ABHD12: variants seen among roughly 807,000 people sequenced by gnomAD.
ABHD12 encodes lysophosphatidylserine lipase ABHD12.
ABHD12 carries 43 observed loss-of-function variants against 58.3 expected under a neutral mutation model. The ratio of observed to expected loss-of-function variants is 0.74; its 90% CI spans 0.58 to 0.95. ABHD12 has a LOEUF of 0.95. Ranked by LOEUF, ABHD12 falls within the 40% of genes least tolerant of loss-of-function variation. ABHD12 has a pLI of 0.00. For missense variants in ABHD12, 539 were observed against 537.2 expected (o/e 1.00, Z -0.03); for synonymous variants, 219 against 211.2 (o/e 1.04, Z -0.32).
At chr20:25,301,232 C>T (rs6037082) in intron 12 of ABHD12, among the ~76,000 whole-genome samples, 3 of 152,230 alleles carry the variant, frequency 2.0e-5, no homozygotes, top group Non-Finnish European at 2.9e-5. Context: ...CCACTGCCCC[C>T]TTAGCAACCC....
At chr20:25,389,596 G>A (rs1195930115) in intron 1 of ABHD12, among the ~76,000 whole-genome samples, 2 of 152,178 alleles carry the variant, frequency 1.3e-5, no homozygotes, top group African/African-American at 4.8e-5. Flanking sequence ...ACCAGCAGAT[G>A]GGAGGAGAAA....
chr20:25,355,440 G>T (rs528016763), intron 1 of ABHD12, among the ~76,000 whole-genome samples: 1 of 151,550 alleles, frequency 6.6e-6, no homozygotes, highest in East Asian at 1.9e-4. Flanking sequence ...CCCCCTTTTT[G>T]TTTTTACCAT....
At chr20:25,333,798 G>A (rs2089317687) in intron 2 of ABHD12, among the ~76,000 whole-genome samples, 1 of 151,574 alleles carries the variant, frequency 6.6e-6, no homozygotes, top group African/African-American at 2.4e-5. Context: ...GGTATTGATG[G>A]GACACATCTC....
intron 1 of ABHD12, among the ~76,000 whole-genome samples, chr20:25,341,975 C>T (rs938991530): frequency 6.6e-6 from 1 of 152,038 alleles, no homozygotes; most frequent in African/African-American, 2.4e-5. Flanking sequence ...CAGATCTCTG[C>T]CTTACTGTAA....
chr20:25,374,396 T>C (rs2089936840), intron 1 of ABHD12, among the ~76,000 whole-genome samples: 1 of 152,222 alleles, frequency 6.6e-6, no homozygotes, highest in Non-Finnish European at 1.5e-5. Context: ...CCTCACACAT[T>C]ATGGTTTTCA....
chr20:25,334,768 C>T (rs2089335249), intron 2 of ABHD12, among the ~76,000 whole-genome samples: 1 of 149,104 alleles, frequency 6.7e-6, no homozygotes, highest in Non-Finnish European at 1.5e-5. Flanking sequence ...AAAGCTGAAA[C>T]TGGATCCCTT....
At chr20:25,297,644 C>T (rs1319741218), downstream of ABHD12, 1 of 152,348 alleles carries the variant, frequency 6.6e-6, no homozygotes, top group Non-Finnish European at 1.5e-5. Context: ...ACCTGCCTCC[C>T]ATTGCCCAAG....
At chr20:25,390,358 C>T (rs1275216548) in intron 1 of ABHD12, among the ~76,000 whole-genome samples, 155 bp downstream of exon 1, 2 of 151,970 alleles carry the variant, frequency 1.3e-5, no homozygotes, top group Non-Finnish European at 2.9e-5. Flanking sequence ...TGCCGCGGGC[C>T]AAATGCGGGA....
chr20:25,344,086 G>A (rs2089488452), intron 1 of ABHD12, among the ~76,000 whole-genome samples: 1 of 152,046 alleles, frequency 6.6e-6, no homozygotes, highest in Non-Finnish European at 1.5e-5. Flanking sequence ...TGATTAAAAA[G>A]CCTCAGCACA....
intron 1 of ABHD12, among the ~76,000 whole-genome samples, chr20:25,352,178 G>T (rs975501207): frequency 6.6e-6 from 1 of 151,516 alleles, no homozygotes; most frequent in African/African-American, 2.4e-5. Context: ...TTTTAGTAGA[G>T]ATGAGGTTTC....
intron 9 of ABHD12, 98 bp from the exon 10 acceptor site, chr20:25,307,013 G>A (rs761966659): frequency 1.4e-5 from 13 of 899,920 alleles, no homozygotes; most frequent in Middle Eastern, 2.1e-4. Context: ...TCTATAAGGC[G>A]TTGCCCATAA....
intron 1 of ABHD12, chr20:25,368,617 A>C: frequency 5.1e-6 from 7 of 1,372,542 alleles, no homozygotes; most frequent in African/African-American, 1.4e-5. Context: ...GTGAAAGCGG[A>C]AACCCTTAAA....
chr20:25,306,948 G>T, intron 9 of ABHD12, 33 bp from the exon 10 acceptor site: 1 of 1,507,200 alleles, frequency 6.6e-7, no homozygotes, highest in Non-Finnish European at 9.2e-7. Context: ...TTTCAGAAGC[G>T]TTGGTTAAGA....
At chr20:25,370,648 G>A (rs2146107223) in intron 1 of ABHD12, among the ~76,000 whole-genome samples, 1 of 152,214 alleles carries the variant, frequency 6.6e-6, no homozygotes, top group East Asian at 1.9e-4. Flanking sequence ...CTGCCACTTG[G>A]ATGGGTGTGC....
In ABHD12 at chr20:25,300,725, C is replaced by T. The variant is rs994804900; in HGVS notation, c.*120G>A. ...TGGGATCTGAGGTGCTCTCCAGGTG[C>T]GAGCTGGGCTCCTGAGCATTGCAGG... On this transcript the variant is annotated 3_prime_UTR_variant, in exon 13 of 13. Transcript: ENST00000339157. 6.3e-6 allele frequency: 10 copies of T among 1,575,166 alleles called. No homozygotes were observed. The highest frequency in any genetic ancestry group is 1.8e-5 in the Admixed American group (1 of 54,540).
At chr20:25,303,685 C>T (rs943968532) in intron 10 of ABHD12, 57 bp from the exon 11 acceptor site, 4 of 1,607,908 alleles carry the variant, frequency 2.5e-6, no homozygotes, top group Middle Eastern at 1.6e-4. Flanking sequence ...GTTGCCCAGA[C>T]CCTCTGTCCA....
In ABHD12 at chr20:25,317,112, T is replaced by C. The variant is rs749740499; in HGVS notation, c.543-34A>G. ...GAAAACAGGACATGGTGTGAGCACATCTTCTCAGAGTTGGGCCCCAGGTCA... is the reference window on the plus strand; with the variant it reads ...GAAAACAGGACATGGTGTGAGCACACCTTCTCAGAGTTGGGCCCCAGGTCA... On this transcript the variant is annotated intron_variant, in intron 4 of 12. Transcript: ENST00000339157. The C allele has an allele frequency of 6.9e-6, 11 of 1,588,054 alleles. No individual in the cohort carries two copies. In the South Asian group the frequency reaches 1.1e-4, roughly 16 times the overall value.
intron 1 of ABHD12, among the ~76,000 whole-genome samples, chr20:25,366,427 T>C (rs1370714621): frequency 1.3e-5 from 2 of 152,096 alleles, no homozygotes; most frequent in African/African-American, 4.8e-5. Flanking sequence ...CCAACATGCC[T>C]GGCTAGTTTT....
rs544181440 is a variant in ABHD12, at chr20:25,323,530, C to A, written c.317-100G>T. On this transcript the variant is annotated intron_variant, in intron 2 of 12. Transcript: ENST00000339157. ...TCACACACGTGCACAGATATGCATCCACACGTGCACACACACACATGCACA... is the reference window on the plus strand; with the variant it reads ...TCACACACGTGCACAGATATGCATCAACACGTGCACACACACACATGCACA... 113 of 766,540 alleles carry A rather than the reference C, an allele frequency of 1.5e-4. No individual in the cohort carries two copies. The African/African-American group carries it at 1.8e-3, about 12-fold the overall frequency. The allele number at this position is 766,540 out of a possible 1,614,324, so 47.5% of individuals were successfully genotyped here.
Sources: gnomAD v4.1 joint callset for allele counts (sites outside exome capture counted in the v4.1 genomes callset) on GRCh38, gnomAD v4.1.1 for gene constraint, MANE v1.5 for transcripts, NCBI Gene and HGNC (gene_info 2026-07-23, HGNC 2026-07-21) for gene names.